The following DTNB variants were observed in gnomAD, a reference collection of about 807,000 sequenced individuals.
DTNB encodes dystrobrevin beta.
DTNB carries 63 observed loss-of-function variants against 90.7 expected under a neutral mutation model. The observed-to-expected ratio is 0.69, with a 90% CI of 0.57 to 0.86. DTNB has a LOEUF of 0.86. Ranked by LOEUF, DTNB falls within the 40% of genes least tolerant of loss-of-function variation. The probability of loss-of-function intolerance (pLI) is 0.00; values close to 1 mark genes in which losing one functional copy is unlikely to be tolerated. For synonymous variants in DTNB, 277 were observed against 286.7 expected, an observed-to-expected ratio of 0.97 and a Z score of 0.34; for missense variants, 744 against 807.1, an observed-to-expected ratio of 0.92 and a Z score of 0.95.
At chr2:25,582,227 G>A (rs1304120277) in intron 6 of DTNB, among the ~76,000 whole-genome samples, 3 of 152,142 alleles carry the variant, frequency 2.0e-5, no homozygotes, top group Non-Finnish European at 4.4e-5. Context: ...AGCGAGGAGT[G>A]AAGACACTGT....
chr2:25,665,200 T>C (rs1347813921), intron 1 of DTNB, among the ~76,000 whole-genome samples: 1 of 152,240 alleles, frequency 6.6e-6, no homozygotes. Flanking sequence ...TTCCTTTCCA[T>C]CTTTTTGTTA....
chr2:25,472,217 C>T (rs572662918), intron 10 of DTNB, among the ~76,000 whole-genome samples: 10 of 152,308 alleles, frequency 6.6e-5, no homozygotes, highest in South Asian at 2.1e-4. Context: ...ATGTACCAGA[C>T]GCTGCGGCTC....
At chr2:25,468,320 G>C (rs1030171235) in intron 10 of DTNB, among the ~76,000 whole-genome samples, 2 of 152,144 alleles carry the variant, frequency 1.3e-5, no homozygotes, top group African/African-American at 4.8e-5. Context: ...AACATACTTT[G>C]CTTCCTGGCA....
intron 10 of DTNB, among the ~76,000 whole-genome samples, chr2:25,473,882 T>C (rs184790944): frequency 6.6e-6 from 1 of 152,320 alleles, no homozygotes; most frequent in East Asian, 1.9e-4. Context: ...CACGACAACA[T>C]TGCACTTGAG....
chr2:25,466,599 G>A (rs983671164), intron 10 of DTNB, among the ~76,000 whole-genome samples: 6 of 152,214 alleles, frequency 3.9e-5, no homozygotes, highest in African/African-American at 1.4e-4. Context: ...TGAGGTGGCT[G>A]TCATTGCAAG....
At chr2:25,506,846 G>T (rs1475660922) in intron 9 of DTNB, among the ~76,000 whole-genome samples, 2 of 151,926 alleles carry the variant, frequency 1.3e-5, no homozygotes, top group Non-Finnish European at 2.9e-5. Flanking sequence ...TAGATGCTAG[G>T]CCCTAAAAGA....
chr2:25,438,823 T>C (rs1349647004), intron 12 of DTNB, among the ~76,000 whole-genome samples: 1 of 152,194 alleles, frequency 6.6e-6, no homozygotes, highest in Non-Finnish European at 1.5e-5. Context: ...GCATCAACAG[T>C]GACAACTCAT....
chr2:25,544,788 A>G (rs1232939437), intron 8 of DTNB, among the ~76,000 whole-genome samples: 1 of 152,216 alleles, frequency 6.6e-6, no homozygotes, highest in East Asian at 1.9e-4. Context: ...ATTAGTAATT[A>G]TTATTTATAC....
chr2:25,531,531 G>C lies in DTNB; in HGVS notation c.943C>G (p.Pro315Ala). Residue 315 changes from proline (P) to alanine (A), a missense_variant, in exon 9 of 21, where the codon CCC becomes GCC. Coordinates refer to ENST00000406818, the MANE Select transcript of DTNB (RefSeq NM_021907.5). ...TGCTCAGGAAAAACAGGATGCGGGG[G>C]TTCTCTCGTGGGTACACACCCCAAA... ...KSLGCVPTRE[P>A]PHPVFPEQPE... 6.2e-7 allele frequency: 1 copy of C among 1,613,882 alleles called. No individual in the cohort carries two copies.
chr2:25,582,928 A>G (rs1033441718), intron 6 of DTNB, among the ~76,000 whole-genome samples: 1 of 152,166 alleles, frequency 6.6e-6, no homozygotes, highest in Non-Finnish European at 1.5e-5. Context: ...CATGCAAATA[A>G]CCAACAAACC....
At chr2:25,491,173 GGAGA>G (rs1258287333) in intron 9 of DTNB, among the ~76,000 whole-genome samples, 1 of 55,072 alleles carries the variant, frequency 1.8e-5, no homozygotes, top group Admixed American at 1.6e-4. Flanking sequence ...ACACACAGAG[GGAGA>G]GAGAGAGGGA....
At chr2:25,519,367 CTTTTTT>C (rs1197635484) in intron 9 of DTNB, among the ~76,000 whole-genome samples, 1 of 126,486 alleles carries the variant, frequency 7.9e-6, no homozygotes. Context: ...CCTGTTTCTA[CTTTTTT>C]TTTTTTTTTT....
chr2:25,475,502 G>A (rs1431004073), intron 10 of DTNB, among the ~76,000 whole-genome samples: 1 of 152,240 alleles, frequency 6.6e-6, no homozygotes, highest in Admixed American at 6.5e-5. Flanking sequence ...CAGGTGTGAG[G>A]TGAAGCAGCA....
In DTNB at chr2:25,663,344, G is replaced by A. The variant is rs555716284; in HGVS notation, c.-2+10042C>T. On this transcript the variant is annotated intron_variant, in intron 1 of 20. Transcript: ENST00000406818. ...GCATTTGGGTTGGTTCCAAGTCTTCGCTATTGTAAATAGTGCTGCAATAAA... is the reference window on the plus strand; with the variant it reads ...GCATTTGGGTTGGTTCCAAGTCTTCACTATTGTAAATAGTGCTGCAATAAA... Among the ~76,000 whole-genome samples, 25 of 152,146 alleles carry A rather than the reference G, an allele frequency of 1.6e-4. No homozygotes were observed. The East Asian group carries it at 3.9e-3, about 23-fold the overall frequency.
chr2:25,671,621 G>A (rs938217445), intron 1 of DTNB, among the ~76,000 whole-genome samples: 2 of 152,166 alleles, frequency 1.3e-5, no homozygotes, highest in African/African-American at 4.8e-5. Context: ...AAATTCTCTT[G>A]GTTCTGAGTC....
chr2:25,555,628 T>TTA (rs1331898844), intron 8 of DTNB, among the ~76,000 whole-genome samples: 2 of 152,184 alleles, frequency 1.3e-5, no homozygotes, highest in Non-Finnish European at 2.9e-5. Flanking sequence ...ACTGAGATCA[T>TTA]TATATATACT....
intron 18 of DTNB, among the ~76,000 whole-genome samples, chr2:25,385,041 G>A (rs1013614049): frequency 4.6e-5 from 7 of 151,858 alleles, no homozygotes; most frequent in African/African-American, 1.7e-4. Flanking sequence ...ACCATGCCAG[G>A]CTAATTTTGT....
intron 4 of DTNB, among the ~76,000 whole-genome samples, chr2:25,622,710 T>C (rs922477275): frequency 6.6e-6 from 1 of 152,084 alleles, no homozygotes; most frequent in East Asian, 1.9e-4. Context: ...CATCCACTCC[T>C]TGGCTAGTCC....
Position 25,577,010 on chromosome 2 carries a change from G to T in DTNB, c.710-6C>A. ...GCACTCCACGGGATGGAAGACTTGT[G>T]GACAGGAGAGAAAAGGGGAGAAAAA... On this transcript the variant is annotated splice_region_variant and splice_polypyrimidine_tract_variant and intron_variant, in intron 7 of 20. Coordinates refer to ENST00000406818, the MANE Select transcript of DTNB (RefSeq NM_021907.5). 1 of 1,596,350 alleles carries T rather than the reference G, an allele frequency of 6.3e-7. No homozygotes were observed. The highest frequency in any genetic ancestry group is 1.7e-5 in the Admixed American group (1 of 57,170).
Sources: gnomAD v4.1 joint callset for allele counts (sites outside exome capture counted in the v4.1 genomes callset) on GRCh38, gnomAD v4.1.1 for gene constraint, MANE v1.5 for transcripts, NCBI Gene and HGNC (gene_info 2026-07-23, HGNC 2026-07-21) for gene names.